SLC17A1: variants seen among roughly 807,000 people sequenced by gnomAD.
The protein encoded by SLC17A1 is solute carrier family 17 member 1.
Under a neutral mutation model 53.5 loss-of-function variants are expected in SLC17A1, and 51 were observed. The ratio of observed to expected loss-of-function variants is 0.95; its 90% CI spans 0.76 to 1.20. The LOEUF (loss-of-function observed/expected upper bound fraction) is 1.20. Ranked by LOEUF, SLC17A1 falls within the 50% of genes most tolerant of loss-of-function variation. SLC17A1 has a pLI of 0.00. For missense variants in SLC17A1, 538 were observed against 568.2 expected, an observed-to-expected ratio of 0.95 and a Z score of 0.54; for synonymous variants, 179 against 198.8, an observed-to-expected ratio of 0.90 and a Z score of 0.84.
chr6:25,826,609 T>A lies in SLC17A1; in HGVS notation c.59A>T (p.Tyr20Phe). Residue 20 changes from tyrosine (Y) to phenylalanine (F), a missense_variant, in exon 3 of 13, where the codon TAT becomes TTT. Transcript: ENST00000244527. ...KKVPGFCSFR[Y>F]GLSFLVHCCN... ...ACAGTGCACAAGGAAAGACAATCCA[T>A]AGCGAAAGGAACAGAAACCTGGAAC... is the stretch of plus-strand genomic sequence containing the variant. The A allele has an allele frequency of 6.3e-7, 1 of 1,585,430 alleles. No homozygotes were observed. The highest frequency in any genetic ancestry group is 1.2e-5 in the South Asian group (1 of 86,276).
At chr6:25,781,683 G>A (rs1297469855), downstream of SLC17A1, among the ~76,000 whole-genome samples, 1 of 152,110 alleles carries the variant, frequency 6.6e-6, no homozygotes, top group African/African-American at 2.4e-5. Flanking sequence ...GGTGAGACAG[G>A]AAGCTGGGAG....
At chr6:25,793,318 C>G (rs1763540658) in intron 12 of SLC17A1, among the ~76,000 whole-genome samples, 1 of 152,146 alleles carries the variant, frequency 6.6e-6, no homozygotes, top group African/African-American at 2.4e-5. Context: ...TACATTTAAG[C>G]ACTTTTATAG....
At chr6:25,778,421 C>A (rs1763120071), downstream of SLC17A1, among the ~76,000 whole-genome samples, 1 of 152,064 alleles carries the variant, frequency 6.6e-6, no homozygotes, top group Non-Finnish European at 1.5e-5. Flanking sequence ...CTTCTCTTTT[C>A]TTGAAGCTTC....
the SLC17A1 span, among the ~76,000 whole-genome samples, chr6:25,776,345 G>A: frequency 6.7e-6 from 1 of 149,700 alleles, no homozygotes; most frequent in South Asian, 2.1e-4. Flanking sequence ...ACTGGGTTTT[G>A]GTCTTTTAAA....
the SLC17A1 span, among the ~76,000 whole-genome samples, chr6:25,728,007 C>CT: frequency 6.6e-6 from 1 of 151,856 alleles, no homozygotes; most frequent in East Asian, 1.9e-4. Flanking sequence ...GCGAGACTGT[C>CT]TCAAAAAACA....
At chr6:25,763,262 T>C in the SLC17A1 span, among the ~76,000 whole-genome samples, 1 of 152,190 alleles carries the variant, frequency 6.6e-6, no homozygotes, top group East Asian at 1.9e-4. Flanking sequence ...GTAACCCACT[T>C]TACCCTGGCC....
At chr6:25,817,035 G>C (rs1053357763) in intron 6 of SLC17A1, among the ~76,000 whole-genome samples, 1 of 152,048 alleles carries the variant, frequency 6.6e-6, no homozygotes, top group African/African-American at 2.4e-5. Flanking sequence ...TTTTAGTAGA[G>C]ATGGGGTTTC....
chr6:25,814,027 C>G (rs1336672825), intron 6 of SLC17A1, among the ~76,000 whole-genome samples: 1 of 152,136 alleles, frequency 6.6e-6, no homozygotes, highest in Non-Finnish European at 1.5e-5. Context: ...CTATTATCAC[C>G]CAGTTTTGAC....
chr6:25,762,188 C>A, the SLC17A1 span: 1 of 677,274 alleles, frequency 1.5e-6, no homozygotes, highest in Non-Finnish European at 2.5e-6. Flanking sequence ...CACCAATTGC[C>A]AATAATTCTA....
the SLC17A1 span, among the ~76,000 whole-genome samples, chr6:25,740,347 T>C: frequency 6.6e-6 from 1 of 152,116 alleles, no homozygotes; most frequent in Non-Finnish European, 1.5e-5. Flanking sequence ...AACACCTGGA[T>C]ATTTACAAGA....
the SLC17A1 span, among the ~76,000 whole-genome samples, chr6:25,729,302 TC>T: frequency 2.0e-5 from 3 of 152,194 alleles, no homozygotes; most frequent in Admixed American, 6.5e-5. Context: ...GCAGAGAAGT[TC>T]CACCAATAGG....
chr6:25,805,871 AATTTT>A (rs2151486078), intron 10 of SLC17A1, among the ~76,000 whole-genome samples: 1 of 152,210 alleles, frequency 6.6e-6, no homozygotes, highest in Non-Finnish European at 1.5e-5. Context: ...TTAAATCAGT[AATTTT>A]AAAAAATTGC....
At chr6:25,807,599 A>G (rs1477094351) in intron 10 of SLC17A1, among the ~76,000 whole-genome samples, 1 of 151,662 alleles carries the variant, frequency 6.6e-6, no homozygotes, top group East Asian at 1.9e-4. Context: ...TAGTATTTTA[A>G]CCCTCACTCC....
the SLC17A1 span, among the ~76,000 whole-genome samples, chr6:25,764,664 A>C: frequency 6.6e-6 from 1 of 152,310 alleles, no homozygotes; most frequent in East Asian, 1.9e-4. Context: ...TGTGCTCCTC[A>C]GCTTGGAGTG....
chr6:25,770,157 T>A, the SLC17A1 span: 1 of 1,613,988 alleles, frequency 6.2e-7, no homozygotes. Context: ...CCCCAGTGGC[T>A]ATGTGGCTGG....
At chr6:25,758,257 T>G in the SLC17A1 span, among the ~76,000 whole-genome samples, 6 of 152,228 alleles carry the variant, frequency 3.9e-5, no homozygotes, top group Non-Finnish European at 7.3e-5. Flanking sequence ...GACGGGGCAG[T>G]GCCCTCCTCC....
the SLC17A1 span, among the ~76,000 whole-genome samples, chr6:25,739,064 G>A: frequency 1.1e-4 from 16 of 152,170 alleles, no homozygotes; most frequent in Non-Finnish European, 1.5e-4. Flanking sequence ...AAATGTATGT[G>A]TTTTAGTCAG....
the SLC17A1 span, among the ~76,000 whole-genome samples, chr6:25,770,713 T>C: frequency 4.6e-5 from 7 of 152,220 alleles, no homozygotes; most frequent in African/African-American, 1.7e-4. Flanking sequence ...ATAAGTCAGC[T>C]ATATATAATT....
chr6:25,800,870 C>T lies in SLC17A1; in HGVS notation c.1269+20G>A. On this transcript the variant is annotated intron_variant, in intron 11 of 12. Transcript: ENST00000244527. ...ACAATTAATATTGGAAAAATAACTA[C>T]ACATCTGTATGTTTCTTACCTGCTT... 2.1e-6 allele frequency: 3 copies of T among 1,430,134 alleles called. 1 individual carries two copies. The highest frequency in any genetic ancestry group is 3.0e-6 in the Non-Finnish European group (3 of 1,015,836). 88.6% of individuals were successfully genotyped at this position (1,430,134 alleles called of 1,614,324 possible).
Sources: gnomAD v4.1 joint callset for allele counts (sites outside exome capture counted in the v4.1 genomes callset) on GRCh38, gnomAD v4.1.1 for gene constraint, MANE v1.5 for transcripts, NCBI Gene and HGNC (gene_info 2026-07-23, HGNC 2026-07-21) for gene names.